The following ZNF148 variants were observed in gnomAD, a reference collection of about 807,000 sequenced individuals.
ZNF148 encodes Beta-Enolase Repressor Factor-1.
ZNF148 carries 7 observed loss-of-function variants against 67.7 expected under a neutral mutation model. The observed-to-expected ratio is 0.10, with a 90% CI of 0.06 to 0.19. ZNF148 has a LOEUF of 0.19. ZNF148 is among the 10% of genes least tolerant of loss of function. The pLI is 1.00. For synonymous variants in ZNF148, 333 were observed against 330.7 expected (o/e 1.01, Z -0.08); for missense variants, 583 against 947.1 (o/e 0.62, Z 5.05).
At chr3:125,353,147 T>C (rs920072697) in intron 1 of ZNF148, among the ~76,000 whole-genome samples, 1 of 152,166 alleles carries the variant, frequency 6.6e-6, no homozygotes, top group Non-Finnish European at 1.5e-5. Flanking sequence ...TACTGCAACA[T>C]ACTAAAAGTT....
chr3:125,333,317 C>T lies in ZNF148; in HGVS notation c.-233-2079G>A, dbSNP rs1161552429. The stretch of plus-strand genomic sequence containing the variant: ...AGAAGGAAAAGGAAACGTGCATACA[C>T]ACAAAATAATATAACCTCAAAGTAT... On this transcript the variant is annotated intron_variant, in intron 1 of 8. Coordinates refer to ENST00000360647, the MANE Select transcript of ZNF148 (RefSeq NM_021964.3). 3.3e-5 allele frequency among the ~76,000 whole-genome samples: 5 copies of T among 152,274 alleles called. No homozygotes were observed. The East Asian group carries it at 7.7e-4, about 23-fold the overall frequency.
chr3:125,261,679 T>C (rs1937347088), intron 7 of ZNF148, among the ~76,000 whole-genome samples: 1 of 151,936 alleles, frequency 6.6e-6, no homozygotes, highest in Non-Finnish European at 1.5e-5. Flanking sequence ...AATAAGAAAC[T>C]ACAGTCACAG....
At chr3:125,373,396 TAG>T (rs1173174590) in intron 1 of ZNF148, among the ~76,000 whole-genome samples, 1 of 151,838 alleles carries the variant, frequency 6.6e-6, no homozygotes, top group Non-Finnish European at 1.5e-5. Context: ...CAGCTGTATA[TAG>T]TTTTTTCTTA....
chr3:125,360,297 G>T lies in ZNF148; in HGVS notation c.-234+14805C>A, dbSNP rs903588224. Among the ~76,000 whole-genome samples, 6 of 150,814 alleles carry T rather than the reference G, an allele frequency of 4.0e-5. No individual in the cohort carries two copies. In the South Asian group the frequency reaches 6.3e-4, roughly 16 times the overall value. ...TTAGACAGGGTTTTTGTATTTTTTT[G>T]ATTTTTTTAGACAGGGTCTCACTCT... On this transcript the variant is annotated intron_variant, in intron 1 of 8. Coordinates refer to ENST00000360647, the MANE Select transcript of ZNF148 (RefSeq NM_021964.3).
At chr3:125,334,377 G>A (rs1941408008) in intron 1 of ZNF148, among the ~76,000 whole-genome samples, 1 of 152,130 alleles carries the variant, frequency 6.6e-6, no homozygotes, top group African/African-American at 2.4e-5. Context: ...AGCACATACA[G>A]AGTAAATGTT....
At chr3:125,333,537 G>C (rs1259537048) in intron 1 of ZNF148, among the ~76,000 whole-genome samples, 1 of 152,030 alleles carries the variant, frequency 6.6e-6, no homozygotes, top group South Asian at 2.1e-4. Flanking sequence ...AACCAAGAAG[G>C]GGGGAAGAGA....
intron 7 of ZNF148, among the ~76,000 whole-genome samples, chr3:125,248,904 G>T (rs1372655487): frequency 2.6e-5 from 4 of 152,140 alleles, no homozygotes; most frequent in Non-Finnish European, 2.9e-5. Flanking sequence ...GCTGCAAGAG[G>T]TCTATTTCTT....
intron 1 of ZNF148, among the ~76,000 whole-genome samples, chr3:125,363,174 T>C (rs941239356): frequency 1.3e-5 from 2 of 152,224 alleles, no homozygotes; most frequent in Non-Finnish European, 1.5e-5. Context: ...GAATATATAA[T>C]GATTTCTTTT....
chr3:125,369,965 A>ATGT (rs1942826180), intron 1 of ZNF148, among the ~76,000 whole-genome samples: 2 of 151,684 alleles, frequency 1.3e-5, no homozygotes, highest in African/African-American at 4.9e-5. Flanking sequence ...CCTGGGCAAC[A>ATGT]GAGCAAGACC....
chr3:125,234,386 C>A lies in ZNF148; in HGVS notation c.668-57G>T, dbSNP rs1004917412. On this transcript the variant is annotated intron_variant, in intron 7 of 8. Transcript: ENST00000360647. ...ACAAATATTGTAAAATAATGAATTG[C>A]TTTGCCATAAGAATCTCTAAAATAA... 9 of 1,218,230 alleles carry A rather than the reference C, an allele frequency of 7.4e-6. No homozygotes were observed. In the African/African-American group the frequency reaches 1.4e-4, roughly 18 times the overall value. 75.5% of individuals were successfully genotyped at this position (1,218,230 alleles called of 1,614,324 possible).
At position 125,232,169 on chromosome 3, in the gene ZNF148, GCTGA is replaced by G. The variant is rs1481790939; in HGVS notation, c.*168_*171del. 1 of 753,516 alleles carries G rather than the reference GCTGA, an allele frequency of 1.3e-6. No homozygotes were observed. The highest frequency in any genetic ancestry group is 1.8e-5 in the African/African-American group (1 of 56,760). 46.7% of individuals were successfully genotyped at this position (753,516 alleles called of 1,614,324 possible). On this transcript the variant is annotated 3_prime_UTR_variant, in exon 9 of 9. Transcript: ENST00000360647. This position sits in a 1 kb window ranked among gnomAD's most constrained non-coding sequence, Gnocchi z 4.2. ...CAACATGTAAGGCAGTTCAAAGAAT[GCTGA>G]CTAACCAAACGAAATGCAGTTATTG...
intron 1 of ZNF148, among the ~76,000 whole-genome samples, chr3:125,364,720 G>C (rs142727183): frequency 6.6e-6 from 1 of 152,310 alleles, no homozygotes; most frequent in East Asian, 1.9e-4. Flanking sequence ...AGTCGGAAAT[G>C]TCCTGTATAT....
rs933289270 is a variant in ZNF148 at position 125,375,241 on chromosome 3, C to A, written c.-373G>T. ...GCTTCGGCAACAGCTCCCACCCCTGCGCCTTTCTCCTCTTCCTCCCCCTCC... is the reference window on the plus strand; with the variant it reads ...GCTTCGGCAACAGCTCCCACCCCTGAGCCTTTCTCCTCTTCCTCCCCCTCC... On this transcript the variant is annotated 5_prime_UTR_variant, in exon 1 of 9. Transcript: ENST00000360647. 6.5e-6 allele frequency: 1 copy of A among 154,860 alleles called. No individual in the cohort carries two copies. The highest frequency in any genetic ancestry group is 1.4e-5 in the Non-Finnish European group (1 of 70,144). The allele number at this position is 154,860 out of a possible 1,614,324, so 9.6% of individuals were successfully genotyped here.
In ZNF148 at chr3:125,253,407, G is replaced by C. The variant is rs1353501874; in HGVS notation, c.668-19078C>G. 2.0e-5 allele frequency among the ~76,000 whole-genome samples: 3 copies of C among 152,120 alleles called. No homozygotes were observed. In the East Asian group the frequency reaches 5.8e-4, roughly 29 times the overall value. On this transcript the variant is annotated intron_variant, in intron 7 of 8. Coordinates refer to ENST00000360647, the MANE Select transcript of ZNF148 (RefSeq NM_021964.3). ...ATTTTCTATGTATTTAAAATAATTT[G>C]TGAGTGATAGTTTCCTTCTTTCTTT...
At chr3:125,290,031 G>GCCA (rs998891169) in intron 4 of ZNF148, among the ~76,000 whole-genome samples, 2 of 152,018 alleles carry the variant, frequency 1.3e-5, no homozygotes, top group East Asian at 1.9e-4. Flanking sequence ...GTCCAGATAT[G>GCCA]CCACCACCAC....
chr3:125,276,498 A>G (rs770948898), intron 7 of ZNF148, among the ~76,000 whole-genome samples: 54 of 152,108 alleles, frequency 3.6e-4, no homozygotes, highest in Non-Finnish European at 7.1e-4. Context: ...CAATGGCGCG[A>G]TCTCGACTCA....
intron 1 of ZNF148, among the ~76,000 whole-genome samples, chr3:125,359,895 AGCTCCACGCCGCT>A (rs1285516311): frequency 9.2e-5 from 14 of 152,228 alleles, no homozygotes; most frequent in Admixed American, 8.5e-4. Flanking sequence ...GCCACCATGC[AGCTCCACGCCGCT>A]GCTCCACCAG....
chr3:125,252,057 T>C (rs757860992), intron 7 of ZNF148, among the ~76,000 whole-genome samples: 14 of 152,224 alleles, frequency 9.2e-5, no homozygotes, highest in Non-Finnish European at 1.8e-4. Flanking sequence ...TACCTTTTCA[T>C]ACATCTAACC....
intron 1 of ZNF148, among the ~76,000 whole-genome samples, chr3:125,346,635 G>A (rs1304208365): frequency 6.6e-6 from 1 of 152,158 alleles, no homozygotes; most frequent in Non-Finnish European, 1.5e-5. Flanking sequence ...GTTCTCAAAA[G>A]ATGTGATGGT....
Sources: gnomAD v4.1 joint callset for allele counts (sites outside exome capture counted in the v4.1 genomes callset) on GRCh38, gnomAD v4.1.1 for gene constraint, Gnocchi (gnomAD v3.1) non-coding constraint, MANE v1.5 for transcripts, NCBI Gene and HGNC (gene_info 2026-07-23, HGNC 2026-07-21) for gene names.